Variants in PIK3R1 observed in about 807,000 individuals in gnomAD.
The protein encoded by PIK3R1 is phosphoinositide-3-kinase regulatory subunit 1.
In PIK3R1, 29 loss-of-function variants were observed where a neutral mutation model predicts 98.0. The ratio of observed to expected loss-of-function variants is 0.30; its 90% CI spans 0.22 to 0.40. The LOEUF is 0.40. PIK3R1 is among the 10% of genes least tolerant of loss of function. The pLI is 1.00. For synonymous variants in PIK3R1, 282 were observed against 311.8 expected, an observed-to-expected ratio of 0.90 and a Z score of 1.01; for missense variants, 596 against 872.7, an observed-to-expected ratio of 0.68 and a Z score of 3.99.
intron 2 of PIK3R1, among the ~76,000 whole-genome samples, chr5:68,269,374 A>C (rs1003268908): frequency 1.3e-5 from 2 of 152,182 alleles, no homozygotes; most frequent in Non-Finnish European, 2.9e-5. Context: ...CAAAAGCTGA[A>C]CTGTAATGAG....
chr5:68,216,940 A>G (rs1304105126), intron 1 of PIK3R1, among the ~76,000 whole-genome samples: 1 of 152,086 alleles, frequency 6.6e-6, no homozygotes, highest in African/African-American at 2.4e-5. Context: ...AATGTGTGTC[A>G]ACTGGGTTTG....
chr5:68,291,011 A>G, intron 7 of PIK3R1: 1 of 534,388 alleles, frequency 1.9e-6, no homozygotes, highest in Non-Finnish European at 3.3e-6. Flanking sequence ...TGTGGAAGCA[A>G]GCAGCTCAGG....
chr5:68,297,022 A>T (rs1747756895), intron 15 of PIK3R1, among the ~76,000 whole-genome samples: 1 of 152,220 alleles, frequency 6.6e-6, no homozygotes. Context: ...ATGAATAGTC[A>T]TAATGGGAGT....
chr5:68,238,044 C>A (rs933664613), intron 2 of PIK3R1, among the ~76,000 whole-genome samples: 3 of 152,154 alleles, frequency 2.0e-5, no homozygotes, highest in Non-Finnish European at 4.4e-5. Flanking sequence ...GAATCCTGAT[C>A]CATGAAAATA....
At chr5:68,224,217 T>C (rs1005425008) in intron 1 of PIK3R1, among the ~76,000 whole-genome samples, 11 of 152,242 alleles carry the variant, frequency 7.2e-5, no homozygotes, top group African/African-American at 2.4e-4. Flanking sequence ...TTGTACAGAG[T>C]ACATTAGTAC....
intron 2 of PIK3R1, among the ~76,000 whole-genome samples, chr5:68,238,064 AG>A (rs1744732115): frequency 6.6e-6 from 1 of 152,210 alleles, no homozygotes; most frequent in African/African-American, 2.4e-5. Context: ...AAAGTGCTGA[AG>A]GTGGGGTAGA....
intron 2 of PIK3R1, among the ~76,000 whole-genome samples, chr5:68,229,428 CT>C (rs1308681931): frequency 2.6e-5 from 4 of 151,364 alleles, no homozygotes; most frequent in South Asian, 2.1e-4. Context: ...TAGTTCTTTT[CT>C]TTTTTTTTCC....
Position 68,293,400 on chromosome 5 carries a change from A to C in PIK3R1, c.1216A>C (p.Asn406His), listed in dbSNP as rs1747500559. 1.9e-6 allele frequency: 3 copies of C among 1,613,568 alleles called. No individual in the cohort carries two copies. The highest frequency in any genetic ancestry group is 2.5e-6 in the Non-Finnish European group (3 of 1,179,650). Residue 406 changes from asparagine (N) to histidine (H), a missense_variant, in exon 10 of 16, where the codon AAC (asparagine) becomes CAC (histidine). Asn to His is a moderately conservative substitution (Grantham distance 68). Around this residue, in one of 3 missense-constraint regions of PIK3R1, gnomAD observed 37 missense variants for 118.0 expected, o/e 0.31. Coordinates refer to ENST00000521381, the MANE Select transcript of PIK3R1 (RefSeq NM_181523.3). ...LTFSSVVELI[N>H]HYRNESLAQY... Reference sequence around the variant, plus strand: ...CTTCAGTTCTGTGGTTGAATTAATAAACCACTACCGGAATGAATCTCTAGC... The same window carrying C: ...CTTCAGTTCTGTGGTTGAATTAATACACCACTACCGGAATGAATCTCTAGC...
At chr5:68,217,357 T>A (rs1743925501) in intron 1 of PIK3R1, 1 of 152,222 alleles carries the variant, frequency 6.6e-6, no homozygotes, top group African/African-American at 2.4e-5. Flanking sequence ...GACAGGTTCA[T>A]TTCTTAAGCA....
In PIK3R1 at chr5:68,226,396, A is replaced by G. The variant is rs59576080; in HGVS notation, c.-280A>G. The G allele has an allele frequency of 5.8e-3, 2,753 of 476,310 alleles. 72 individuals carry two copies. The highest frequency in any genetic ancestry group is 0.049 in the African/African-American group (2,545 of 52,058). The allele number at this position is 476,310 out of a possible 1,614,324, so 29.5% of individuals were successfully genotyped here. Reference sequence around the variant, plus strand: ...TCGCTGTGAGAGTCAGCCTGGATTCAAAGTGTTGACAAGTTGCTGAAAAGG... The same window carrying G: ...TCGCTGTGAGAGTCAGCCTGGATTCGAAGTGTTGACAAGTTGCTGAAAAGG... On this transcript the variant is annotated 5_prime_UTR_variant, in exon 2 of 16. Transcript: ENST00000521381.
At chr5:68,244,621 C>T (rs1745013421) in intron 2 of PIK3R1, among the ~76,000 whole-genome samples, 2 of 148,866 alleles carry the variant, frequency 1.3e-5, no homozygotes, top group Admixed American at 6.8e-5. Flanking sequence ...GCTGTAACCA[C>T]ATTGTAATTC....
intron 2 of PIK3R1, among the ~76,000 whole-genome samples, chr5:68,232,566 C>T (rs541951994): frequency 1.3e-5 from 2 of 152,298 alleles, no homozygotes; most frequent in South Asian, 2.1e-4. Context: ...TTGAACTGCT[C>T]TCCTAGAGCT....
chr5:68,233,905 G>A (rs1464193771), intron 2 of PIK3R1, among the ~76,000 whole-genome samples: 1 of 152,152 alleles, frequency 6.6e-6, no homozygotes, highest in Non-Finnish European at 1.5e-5. Context: ...AGGTGTTTGC[G>A]ATGTATTTGT....
intron 7 of PIK3R1, chr5:68,288,684 A>AT (rs375563457): frequency 0.019 from 22,842 of 1,185,980 alleles, 28 homozygotes; most frequent in South Asian, 0.021. Flanking sequence ...AGCTTTGGGG[A>AT]TTTTTTTTTT....
chr5:68,293,089 TTTTCA>T lies in PIK3R1; in HGVS notation c.1020-6_1020-2del, dbSNP rs892046681. ...ACCTTAAGATGAGCATTGTTTTGTG[TTTTCA>T]TTTCAGGGAAGAAGTGAATGAAAAA... On this transcript the variant is annotated splice_region_variant and splice_polypyrimidine_tract_variant and intron_variant, in intron 8 of 15. Transcript: ENST00000521381. 4 of 1,601,678 alleles carry T rather than the reference TTTTCA, an allele frequency of 2.5e-6. No homozygotes were observed. In the African/African-American group the frequency reaches 4.0e-5, roughly 16 times the overall value.
At chr5:68,283,609 G>T (rs1485215321) in intron 7 of PIK3R1, among the ~76,000 whole-genome samples, 1 of 152,192 alleles carries the variant, frequency 6.6e-6, no homozygotes, top group Non-Finnish European at 1.5e-5. Context: ...TAATGGCTTG[G>T]TATTTTACAA....
chr5:68,243,602 C>G (rs749891116), intron 2 of PIK3R1, among the ~76,000 whole-genome samples: 12 of 152,228 alleles, frequency 7.9e-5, no homozygotes, highest in Non-Finnish European at 1.8e-4. Context: ...TGTAAACCAA[C>G]TGCAAACAAG....
At chr5:68,297,096 C>T (rs889806242) in intron 15 of PIK3R1, among the ~76,000 whole-genome samples, 2 of 152,176 alleles carry the variant, frequency 1.3e-5, no homozygotes, top group Non-Finnish European at 2.9e-5. Context: ...TGGAAGCTAC[C>T]ACTTGTTGCA....
chr5:68,265,556 T>A (rs558071628), intron 2 of PIK3R1, among the ~76,000 whole-genome samples: 1 of 152,324 alleles, frequency 6.6e-6, no homozygotes, highest in Non-Finnish European at 1.5e-5. Context: ...TCTCTGGTGC[T>A]GCTTCTTATA....
Sources: allele counts gnomAD v4.1 joint callset (sites outside exome capture counted in the v4.1 genomes callset), GRCh38; gene constraint gnomAD v4.1.1; regional missense constraint gnomAD v4.1.1; transcripts MANE v1.5; gene names NCBI Gene and HGNC (gene_info 2026-07-23, HGNC 2026-07-21).